The following TLN2 variants were observed in gnomAD, a reference collection of about 807,000 sequenced individuals.
TLN2 encodes talin 2.
Under a neutral mutation model 294.7 loss-of-function variants are expected in TLN2, and 118 were observed. That is an observed-to-expected ratio of 0.40 (90% CI 0.34 to 0.47). The LOEUF (loss-of-function observed/expected upper bound fraction) is 0.47, where lower values mean the gene tolerates loss of function less well. TLN2 is among the 20% of genes least tolerant of loss of function. TLN2 has a pLI of 0.84. For missense variants in TLN2, 3,083 were observed against 3,282.2 expected, an observed-to-expected ratio of 0.94 and a Z score of 1.48; for synonymous variants, 1,431 against 1,304.5, an observed-to-expected ratio of 1.10 and a Z score of -2.09.
intron 3 of TLN2, among the ~76,000 whole-genome samples, chr15:62,628,463 G>A (rs1047947189): frequency 6.6e-6 from 1 of 152,218 alleles, no homozygotes; most frequent in Non-Finnish European, 1.5e-5. Context: ...ATAACGTTTT[G>A]TTGAATTAAG....
At chr15:62,476,416 A>T (rs1345290869) in intron 1 of TLN2, 1 of 152,216 alleles carries the variant, frequency 6.6e-6, no homozygotes, top group Non-Finnish European at 1.5e-5. Context: ...GTTGAAGACC[A>T]TGAGTAATCT....
At chr15:62,474,755 A>G (rs1045414240) in intron 1 of TLN2, among the ~76,000 whole-genome samples, 6 of 152,192 alleles carry the variant, frequency 3.9e-5, no homozygotes, top group Non-Finnish European at 7.3e-5. Context: ...CTGAGTCGTC[A>G]TTGGCTTCTC....
intron 54 of TLN2, among the ~76,000 whole-genome samples, chr15:62,825,851 A>AT (rs1238802259): frequency 1.1e-5 from 1 of 93,140 alleles, no homozygotes; most frequent in East Asian, 2.4e-4. Flanking sequence ...ATATAAATAT[A>AT]TTATATATAT....
intron 1 of TLN2, among the ~76,000 whole-genome samples, chr15:62,584,307 C>T (rs1403879045): frequency 6.6e-6 from 1 of 152,186 alleles, no homozygotes; most frequent in East Asian, 1.9e-4. Flanking sequence ...CTTTTGCCCC[C>T]TTTATACTGA....
At chr15:62,620,837 C>CTTTTTT (rs71129016) in intron 3 of TLN2, among the ~76,000 whole-genome samples, 51 of 66,406 alleles carry the variant, frequency 7.7e-4, no homozygotes, top group African/African-American at 1.7e-3. Context: ...CTTTCTTTTT[C>CTTTTTT]TTTTTTTTTT....
At chr15:62,527,801 A>G in intron 1 of TLN2, among the ~76,000 whole-genome samples, 1 of 152,226 alleles carries the variant, frequency 6.6e-6, no homozygotes, top group East Asian at 1.9e-4. Context: ...TGATGATAAA[A>G]GTACAAGATG....
intron 40 of TLN2, among the ~76,000 whole-genome samples, chr15:62,764,170 C>T (rs571089753): frequency 6.6e-6 from 1 of 152,306 alleles, no homozygotes; most frequent in Admixed American, 6.5e-5. Context: ...CAATATCCAG[C>T]ATTTGAGGAC....
chr15:62,830,409 C>G (rs2068700077), intron 54 of TLN2: 1 of 152,500 alleles, frequency 6.6e-6, no homozygotes. Context: ...GGGGACTGTT[C>G]CATTAACAAA....
intron 1 of TLN2, among the ~76,000 whole-genome samples, chr15:62,538,718 T>C (rs2041502437): frequency 6.6e-6 from 1 of 152,174 alleles, no homozygotes; most frequent in South Asian, 2.1e-4. Flanking sequence ...AATTCTCCCC[T>C]CTAACCTCTT....
At position 62,582,246 on chromosome 15, in the gene TLN2, A is replaced by ACACACACACACACACACACACACACC. The variant is rs764248336; in HGVS notation, c.-237-7439_-237-7438insCACACACACACACACACACACACCCA. 1.7e-4 allele frequency among the ~76,000 whole-genome samples: 23 copies of ACACACACACACACACACACACACACC among 137,310 alleles called. 1 individual carries two copies. Among genetic ancestry groups the ACACACACACACACACACACACACACC allele is most frequent in the East Asian group, 6.9e-4 (3 of 4,332 alleles). 90.1% of individuals were successfully genotyped at this position (137,310 alleles called of 152,430 possible). A position where few individuals can be genotyped will look rare whatever the true frequency, so the allele number is the denominator to read the frequency against. ...CACACACACACACACACACACACAC[A>ACACACACACACACACACACACACACC]CATTCATGCCTGACCCATTCCTGAC... On this transcript the variant is annotated intron_variant, in intron 1 of 58. Transcript: ENST00000636159.
chr15:62,418,205 G>C (rs2034190579), intron 1 of TLN2, among the ~76,000 whole-genome samples: 2 of 152,116 alleles, frequency 1.3e-5, no homozygotes, highest in Admixed American at 6.5e-5. Context: ...CCACAGTGGG[G>C]GCTCTGGGAA....
chr15:62,528,946 C>T (rs2040882632), intron 1 of TLN2, among the ~76,000 whole-genome samples: 1 of 152,224 alleles, frequency 6.6e-6, no homozygotes. Flanking sequence ...CATAGCTGAA[C>T]ATCCTTAAAA....
chr15:62,736,942 T>G lies in TLN2; in HGVS notation c.3423T>G (p.Ala1141=). The change falls in exon 29 of 59, where the codon GCT becomes GCG. Residue 1141 remains alanine (A), a synonymous_variant. Coordinates refer to ENST00000636159, the MANE Select transcript of TLN2 (RefSeq NM_015059.3). ...KTLAQAARGV[A]ASTTDPAAAH... is the part of the protein sequence containing the mutation. ...TGGCCCAGGCCGCCCGTGGAGTGGC[T>G]GCATCGACAACCGACCCCGCGGCCG... is the stretch of plus-strand genomic sequence containing the variant. 2 of 1,614,194 alleles carry G rather than the reference T, an allele frequency of 1.2e-6. No homozygotes were observed. Among genetic ancestry groups the G allele is most frequent in the Non-Finnish European group, 1.7e-6 (2 of 1,180,042 alleles).
rs946543724 is a variant in TLN2, at chr15:62,619,776, G to A, written c.-37+1301G>A. Among the ~76,000 whole-genome samples the A allele has an allele frequency of 3.3e-5, 5 of 152,264 alleles. No homozygotes were observed. The South Asian group carries it at 6.2e-4, about 19-fold the overall frequency. ...TTCTTCTAGAGCCTTGGAGGGTAGCGTGTTCCCACTGAAACCTGGATTTCA... is the reference window on the plus strand; with the variant it reads ...TTCTTCTAGAGCCTTGGAGGGTAGCATGTTCCCACTGAAACCTGGATTTCA... On this transcript the variant is annotated intron_variant, in intron 3 of 58. Coordinates refer to ENST00000636159, the MANE Select transcript of TLN2 (RefSeq NM_015059.3).
chr15:62,736,928 G>T lies in TLN2; in HGVS notation c.3409G>T (p.Ala1137Ser). ...AGCTCTGAAAACACTGGCCCAGGCCGCCCGTGGAGTGGCTGCATCGACAAC... is the reference window on the plus strand; with the variant it reads ...AGCTCTGAAAACACTGGCCCAGGCCTCCCGTGGAGTGGCTGCATCGACAAC... ...AQALKTLAQA[A>S]RGVAASTTDP... Residue 1137 changes from alanine (A) to serine (S), a missense_variant, in exon 29 of 59, where the codon GCC becomes TCC. Transcript: ENST00000636159. 6.2e-7 allele frequency: 1 copy of T among 1,614,204 alleles called. No homozygotes were observed. Among genetic ancestry groups the T allele is most frequent in the Non-Finnish European group, 8.5e-7 (1 of 1,180,044 alleles).
At chr15:62,757,780 G>GC (rs769718953) in intron 37 of TLN2, among the ~76,000 whole-genome samples, 1 of 152,192 alleles carries the variant, frequency 6.6e-6, no homozygotes, top group Admixed American at 6.5e-5. Flanking sequence ...GGAACGAGGA[G>GC]CAATGCAAGA....
rs35651315 is a variant in TLN2, at chr15:62,393,849, C to CTTTTTTT, written c.-238+3173_-238+3179dup. Among the ~76,000 whole-genome samples the CTTTTTTT allele has an allele frequency of 3.6e-5, 5 of 138,280 alleles. No individual in the cohort carries two copies. The East Asian group carries it at 8.4e-4, about 23-fold the overall frequency. 90.7% of individuals were successfully genotyped at this position (138,280 alleles called of 152,430 possible). Reference sequence around the variant, plus strand: ...GTGCTTTGTTGCCTCTTGCCTGATTCTTTTTTTTTTTTTTTCCGAGATGGA... The same window carrying CTTTTTTT: ...GTGCTTTGTTGCCTCTTGCCTGATTCTTTTTTTTTTTTTTTTTTTTTTCCGAGATGGA... On this transcript the variant is annotated intron_variant, in intron 1 of 58. Coordinates refer to ENST00000636159, the MANE Select transcript of TLN2 (RefSeq NM_015059.3).
intron 1 of TLN2, among the ~76,000 whole-genome samples, chr15:62,461,617 T>C (rs970261916): frequency 2.6e-5 from 4 of 152,230 alleles, no homozygotes; most frequent in Non-Finnish European, 5.9e-5. Context: ...AGGCTCTGGC[T>C]CAGGCCCTAG....
chr15:62,825,021 G>A (rs957125363), intron 54 of TLN2, among the ~76,000 whole-genome samples: 1 of 152,140 alleles, frequency 6.6e-6, no homozygotes, highest in African/African-American at 2.4e-5. Context: ...ATAGTGACAG[G>A]GTCACCAACA....
Sources: gnomAD v4.1 joint callset for allele counts (sites outside exome capture counted in the v4.1 genomes callset) on GRCh38, gnomAD v4.1.1 for gene constraint, MANE v1.5 for transcripts, NCBI Gene and HGNC (gene_info 2026-07-23, HGNC 2026-07-21) for gene names.